Variants in PCDHA2 observed in about 807,000 individuals in gnomAD.
PCDHA2 encodes the protein protocadherin alpha 2, also known as protocadherin alpha-2.
A neutral mutation model predicts 66.0 loss-of-function variants in PCDHA2; 58 were observed. The observed-to-expected ratio is 0.88, with a 90% CI of 0.71 to 1.09. The LOEUF (loss-of-function observed/expected upper bound fraction) is 1.09, where lower values mean the gene tolerates loss of function less well. Among genes scored for constraint, PCDHA2 ranks in the 50% least tolerant of loss-of-function variants. The pLI, the probability that PCDHA2 is intolerant of heterozygous loss-of-function variation, is 0.00. For synonymous variants in PCDHA2, 634 were observed against 554.0 expected (o/e 1.14, Z -2.03); for missense variants, 1,267 against 1,242.3 (o/e 1.02, Z -0.30).
intron 1 of PCDHA2, chr5:140,871,356 G>A (rs368141967): frequency 1.0e-4 from 163 of 1,614,090 alleles, no homozygotes; most frequent in Non-Finnish European, 1.3e-4. Context: ...CATACTCGCA[G>A]CAGAGGCGGC....
At chr5:140,895,292 C>T (rs1032250917) in intron 1 of PCDHA2, among the ~76,000 whole-genome samples, 11 of 152,044 alleles carry the variant, frequency 7.2e-5, no homozygotes, top group Non-Finnish European at 1.2e-4. Flanking sequence ...TTAGGACCTT[C>T]GATTTCCCCC....
In PCDHA2 at chr5:140,959,634, A is replaced by G. The variant is rs78629455; in HGVS notation, c.2389-19315A>G. ...TGCTTGTGATAGAAAAAAAGAGAGA[A>G]AAAACACAGAAGCAAAATTGAAGAA... On this transcript the variant is annotated intron_variant, in intron 1 of 3. Transcript: ENST00000526136. Among the ~76,000 whole-genome samples, 1,434 of 152,320 alleles carry G rather than the reference A, an allele frequency of 9.4e-3. 14 individuals carry two copies. The highest frequency in any genetic ancestry group is 0.021 in the Admixed American group (316 of 15,292).
intron 1 of PCDHA2, chr5:140,863,573 C>T (rs2048075555): frequency 5.4e-6 from 2 of 367,848 alleles, no homozygotes; most frequent in South Asian, 4.3e-5. Flanking sequence ...AATATAAGTA[C>T]TGTAATCCTG....
chr5:140,813,536 C>T (rs1000742229), intron 1 of PCDHA2: 1 of 152,012 alleles, frequency 6.6e-6, no homozygotes, highest in East Asian at 1.9e-4. Context: ...AATGGTACAC[C>T]TGAATAGGGT....
At position 140,978,933 on chromosome 5, in the gene PCDHA2, C is replaced by CT. The variant is rs1179085898; in HGVS notation, c.2389-13dup. The stretch of plus-strand genomic sequence containing the variant: ...TCTTGTCATTTTAACAGAAAACTCT[C>CT]TTTGTGATTTTGCAGCCACGACAGC... On this transcript the variant is annotated splice_polypyrimidine_tract_variant and intron_variant, in intron 1 of 3. Coordinates refer to ENST00000526136, the MANE Select transcript of PCDHA2 (RefSeq NM_018905.3). 8 of 1,613,976 alleles carry CT rather than the reference C, an allele frequency of 5.0e-6. No homozygotes were observed. The highest frequency in any genetic ancestry group is 1.7e-5 in the Admixed American group (1 of 59,984).
At chr5:140,834,180 C>G in intron 1 of PCDHA2, 1 of 562,966 alleles carries the variant, frequency 1.8e-6, no homozygotes, top group Non-Finnish European at 3.1e-6. Context: ...ATGATGGCCA[C>G]ATGATGTCGC....
chr5:140,978,875 T>A, intron 1 of PCDHA2, 74 bp from the exon 2 acceptor site: 2 of 1,609,316 alleles, frequency 1.2e-6, no homozygotes, highest in Non-Finnish European at 1.7e-6. Flanking sequence ...AGGGAGTAAC[T>A]AATCAATTAG....
At chr5:140,869,953 A>G (rs781865487) in intron 1 of PCDHA2, 10 of 1,612,868 alleles carry the variant, frequency 6.2e-6, no homozygotes, top group Middle Eastern at 3.3e-4. Context: ...CTTAATGTCA[A>G]TTAAGCCCAA....
intron 1 of PCDHA2, among the ~76,000 whole-genome samples, chr5:140,976,501 A>G (rs568983330): frequency 6.6e-6 from 1 of 152,240 alleles, no homozygotes; most frequent in East Asian, 1.9e-4. Context: ...CAGGGAGCCA[A>G]GATCGCGCCA....
intron 1 of PCDHA2, among the ~76,000 whole-genome samples, chr5:140,933,686 C>T (rs186587135): frequency 6.6e-6 from 1 of 151,890 alleles, no homozygotes; most frequent in Non-Finnish European, 1.5e-5. Flanking sequence ...ATTTTTTTTC[C>T]TATTCCTCGG....
intron 1 of PCDHA2, chr5:140,968,523 A>G (rs1441549667): frequency 8.1e-6 from 13 of 1,613,762 alleles, no homozygotes; most frequent in African/African-American, 1.3e-5. Flanking sequence ...ACCTCAACCA[A>G]CTCGTCAGCA....
intron 1 of PCDHA2, chr5:140,869,313 A>T: frequency 6.2e-7 from 1 of 1,613,736 alleles, no homozygotes. Context: ...CGTCCAAAAC[A>T]CATGGGGACC....
intron 1 of PCDHA2, chr5:140,968,753 C>G: frequency 1.2e-6 from 2 of 1,614,022 alleles, no homozygotes; most frequent in Non-Finnish European, 1.7e-6. Flanking sequence ...CGTGGTGGTC[C>G]GAGATAATGG....
chr5:140,905,120 G>T (rs1191513318), intron 1 of PCDHA2, among the ~76,000 whole-genome samples: 3 of 152,214 alleles, frequency 2.0e-5, no homozygotes, highest in African/African-American at 7.2e-5. Flanking sequence ...CTAAGCCAAT[G>T]TCTAGAAGAG....
Position 140,940,419 on chromosome 5 carries a change from A to G in PCDHA2, c.2389-38530A>G, listed in dbSNP as rs890018340. Among the ~76,000 whole-genome samples, 3 of 152,002 alleles carry G rather than the reference A, an allele frequency of 2.0e-5. No homozygotes were observed. The East Asian group carries it at 5.8e-4, about 29-fold the overall frequency. ...GTTTTTCATTTTAAAAATTATAATT[A>G]TTACTGATCAAGTCTGCCATGATAT... On this transcript the variant is annotated intron_variant, in intron 1 of 3. Transcript: ENST00000526136.
chr5:140,829,228 A>C (rs1327321608), intron 1 of PCDHA2: 1 of 1,614,122 alleles, frequency 6.2e-7, no homozygotes, highest in East Asian at 2.2e-5. Context: ...ACCTCGATTC[A>C]GGTGCCAACG....
chr5:140,882,351 G>A, intron 1 of PCDHA2: 1 of 1,614,214 alleles, frequency 6.2e-7, no homozygotes, highest in East Asian at 2.2e-5. Context: ...GAGACGGGTA[G>A]TGGCCAGCTC....
chr5:140,959,592 G>A (rs2095498598), intron 1 of PCDHA2, among the ~76,000 whole-genome samples: 2 of 152,162 alleles, frequency 1.3e-5, no homozygotes, highest in South Asian at 4.1e-4. Flanking sequence ...TATCAGCCAA[G>A]TATAACATGC....
At chr5:140,808,919 A>G in intron 1 of PCDHA2, 4 of 1,613,638 alleles carry the variant, frequency 2.5e-6, no homozygotes, top group Non-Finnish European at 3.4e-6. Flanking sequence ...TGGCGCAGTG[A>G]GCGAGCTGGT....
Sources: gnomAD v4.1 joint callset for allele counts (sites outside exome capture counted in the v4.1 genomes callset) on GRCh38, gnomAD v4.1.1 for gene constraint, MANE v1.5 for transcripts, NCBI Gene and HGNC (gene_info 2026-07-23, HGNC 2026-07-21) for gene names.